Variants in ANO3 observed in about 807,000 individuals in gnomAD.
ANO3 encodes the protein anoctamin 3.
A neutral mutation model predicts 144.8 loss-of-function variants in ANO3; 99 were observed. The ratio of observed to expected loss-of-function variants is 0.68; its 90% CI spans 0.58 to 0.81. The LOEUF (loss-of-function observed/expected upper bound fraction) is 0.81, where lower values mean the gene tolerates loss of function less well. Among genes scored for constraint, ANO3 ranks in the 30% least tolerant of loss-of-function variants. ANO3 has a pLI of 0.00. For missense variants in ANO3, 905 were observed against 1,202.2 expected, an observed-to-expected ratio of 0.75 and a Z score of 3.66; for synonymous variants, 414 against 392.6, an observed-to-expected ratio of 1.05 and a Z score of -0.64.
chr11:26,407,362 C>T (rs1857315996), intron 1 of ANO3, among the ~76,000 whole-genome samples: 1 of 151,670 alleles, frequency 6.6e-6, no homozygotes, highest in Admixed American at 6.6e-5. Context: ...GCTATCCCCA[C>T]TTGGAACAAA....
intron 1 of ANO3, among the ~76,000 whole-genome samples, chr11:26,243,987 G>A (rs181287495): frequency 1.4e-4 from 22 of 151,950 alleles, no homozygotes; most frequent in African/African-American, 4.8e-4. Flanking sequence ...ATATGGTGGA[G>A]GTGTCTGTAG....
intron 1 of ANO3, among the ~76,000 whole-genome samples, chr11:26,207,268 A>C (rs1851816468): frequency 6.6e-6 from 1 of 152,242 alleles, no homozygotes; most frequent in Admixed American, 6.5e-5. Flanking sequence ...GTAAAAGTAT[A>C]AATGGCTTAC....
Position 26,427,658 on chromosome 11 carries a change from A to C in ANO3, c.47-14260A>C, listed in dbSNP as rs142699666. ...CAAACAGCTGTTGCACAACAACTCG[A>C]GTTAACTTGAATACAACTAGTAATA... On this transcript the variant is annotated intron_variant, in intron 1 of 26. Coordinates refer to ENST00000256737, the MANE Select transcript of ANO3 (RefSeq NM_031418.4). 1.8e-3 allele frequency among the ~76,000 whole-genome samples: 276 copies of C among 152,256 alleles called. 1 individual carries two copies. Among genetic ancestry groups the C allele is most frequent in the African/African-American group, 6.2e-3 (259 of 41,560 alleles).
chr11:26,567,187 A>G lies in ANO3; in HGVS notation c.1447+7408A>G, dbSNP rs888651291. ...TTTAAAGCCAAGTCAACTGACTCCA[A>G]TCTCATTAGAGGCTAAAATTTGCAG... On this transcript the variant is annotated intron_variant, in intron 14 of 26. Transcript: ENST00000256737. 7.5e-6 allele frequency: 9 copies of G among 1,200,148 alleles called. No individual in the cohort carries two copies. The South Asian group carries it at 1.8e-4, about 23-fold the overall frequency. 74.3% of individuals were successfully genotyped at this position (1,200,148 alleles called of 1,614,324 possible). A position where few individuals can be genotyped will look rare whatever the true frequency, so the allele number is the denominator to read the frequency against.
At chr11:26,315,148 G>A (rs1203341845) in intron 1 of ANO3, among the ~76,000 whole-genome samples, 1 of 151,612 alleles carries the variant, frequency 6.6e-6, no homozygotes, top group African/African-American at 2.4e-5. Context: ...ATGGCATTCA[G>A]ATGAAGAGCA....
At chr11:26,445,673 G>A (rs925348298) in intron 3 of ANO3, among the ~76,000 whole-genome samples, 4 of 151,826 alleles carry the variant, frequency 2.6e-5, no homozygotes, top group African/African-American at 4.8e-5. Context: ...CAAATGATGA[G>A]GTGTTTGCCT....
intron 1 of ANO3, among the ~76,000 whole-genome samples, chr11:26,400,535 A>G (rs932487341): frequency 2.6e-5 from 4 of 151,936 alleles, no homozygotes; most frequent in African/African-American, 9.7e-5. Flanking sequence ...ATAATTATAC[A>G]TATTTGACAT....
At chr11:26,524,274 G>A (rs975521547) in intron 6 of ANO3, among the ~76,000 whole-genome samples, 2 of 152,172 alleles carry the variant, frequency 1.3e-5, no homozygotes, top group African/African-American at 4.8e-5. Context: ...TAAAGTGTGA[G>A]TTTCGGATAG....
chr11:26,473,018 G>A (rs776251441), intron 4 of ANO3, among the ~76,000 whole-genome samples: 7 of 151,850 alleles, frequency 4.6e-5, no homozygotes, highest in Admixed American at 1.3e-4. Flanking sequence ...TTTCAGTCAC[G>A]GAAACCCATT....
intron 14 of ANO3, chr11:26,563,351 G>T (rs1252731573): frequency 7.6e-7 from 1 of 1,317,586 alleles, no homozygotes; most frequent in Admixed American, 2.6e-5. Context: ...ATATAACAAA[G>T]AATGTTTAAC....
At chr11:26,615,739 T>G (rs1383766074) in intron 17 of ANO3, among the ~76,000 whole-genome samples, 2 of 152,156 alleles carry the variant, frequency 1.3e-5, no homozygotes, top group Non-Finnish European at 2.9e-5. Context: ...AATACCAACT[T>G]TTACTTTTCT....
At chr11:26,613,174 C>T (rs1852150261) in intron 17 of ANO3, among the ~76,000 whole-genome samples, 1 of 152,058 alleles carries the variant, frequency 6.6e-6, no homozygotes, top group South Asian at 2.1e-4. Context: ...GTCTCATACA[C>T]TTTCTTTATT....
intron 7 of ANO3, among the ~76,000 whole-genome samples, chr11:26,528,209 T>C (rs2134172661): frequency 6.6e-6 from 1 of 152,306 alleles, no homozygotes; most frequent in Middle Eastern, 3.4e-3. Flanking sequence ...ACTTACTATG[T>C]TCTGTGCCCC....
At chr11:26,291,900 T>C (rs748468676) in intron 1 of ANO3, among the ~76,000 whole-genome samples, 4 of 152,154 alleles carry the variant, frequency 2.6e-5, no homozygotes, top group Non-Finnish European at 4.4e-5. Context: ...GGGTTGCTCT[T>C]CTTGAGGAGT....
chr11:26,517,551 G>A (rs1013060684), intron 6 of ANO3, among the ~76,000 whole-genome samples: 2 of 151,922 alleles, frequency 1.3e-5, no homozygotes, highest in Non-Finnish European at 2.9e-5. Flanking sequence ...ATTCAACAAT[G>A]CTCTTACTAT....
chr11:26,476,918 T>A (rs1279944147), intron 4 of ANO3, among the ~76,000 whole-genome samples: 6 of 144,614 alleles, frequency 4.1e-5, no homozygotes, highest in African/African-American at 1.5e-4. Flanking sequence ...TGTGTGTGTG[T>A]GTGTGTGTGT....
chr11:26,399,736 C>T (rs957316958), intron 1 of ANO3, among the ~76,000 whole-genome samples: 15 of 151,986 alleles, frequency 9.9e-5, no homozygotes, highest in Non-Finnish European at 8.8e-5. Flanking sequence ...GCCCCTGCCC[C>T]CTTTCCTGCA....
intron 1 of ANO3, among the ~76,000 whole-genome samples, chr11:26,335,710 C>T (rs1343554692): frequency 6.6e-6 from 1 of 152,120 alleles, no homozygotes; most frequent in African/African-American, 2.4e-5. Context: ...ATTATTCAGT[C>T]CTCTTTTGTT....
chr11:26,365,479 C>T (rs1856042452), intron 1 of ANO3, among the ~76,000 whole-genome samples: 1 of 152,222 alleles, frequency 6.6e-6, no homozygotes, highest in Admixed American at 6.5e-5. Context: ...TCTGTGAGGG[C>T]TCCACCCCTG....
Sources: gnomAD v4.1 joint callset for allele counts (sites outside exome capture counted in the v4.1 genomes callset) on GRCh38, gnomAD v4.1.1 for gene constraint, MANE v1.5 for transcripts, NCBI Gene and HGNC (gene_info 2026-07-23, HGNC 2026-07-21) for gene names.